Variants in PLCD4 observed in about 807,000 individuals in gnomAD.
The protein encoded by PLCD4 is phospholipase C delta 4, also known as 1-phosphatidylinositol 4,5-bisphosphate phosphodiesterase delta-4.
In PLCD4, 63 loss-of-function variants were observed where a neutral mutation model predicts 90.2. That is an observed-to-expected ratio of 0.70 (90% confidence interval 0.57 to 0.86). PLCD4 has a LOEUF of 0.86. Among genes scored for constraint, PLCD4 ranks in the 40% least tolerant of loss-of-function variants. The pLI is 0.00. For synonymous variants in PLCD4, 294 were observed against 356.5 expected (o/e 0.82, Z 1.97); for missense variants, 830 against 956.3 (o/e 0.87, Z 1.74).
intron 13 of PLCD4, among the ~76,000 whole-genome samples, chr2:218,635,410 C>A (rs1696667176): frequency 6.6e-6 from 1 of 152,162 alleles, no homozygotes; most frequent in Non-Finnish European, 1.5e-5. Flanking sequence ...ATGATCTTGG[C>A]TCACTGCAAC....
In PLCD4 at chr2:218,630,661, C is replaced by T. The variant is rs778615532; in HGVS notation, c.1131C>T (p.Tyr377=). The T allele has an allele frequency of 2.5e-6, 4 of 1,613,908 alleles. No homozygotes were observed. The highest frequency in any genetic ancestry group is 1.6e-4 in the Middle Eastern group (1 of 6,082). ...CCCCTCACCACCAGACATCAGACTA[C>T]CCAGTCATCTTGTCCCTGGAGACCC... is the stretch of plus-strand genomic sequence containing the variant. ...VAQYAFQTSD[Y]PVILSLETHC... Residue 377 remains tyrosine, a synonymous_variant, in exon 9 of 16, where the codon TAC becomes TAT. Coordinates refer to ENST00000450993, the MANE Select transcript of PLCD4 (RefSeq NM_032726.4).
At chr2:218,611,371 G>T (rs1052267434) in intron 1 of PLCD4, among the ~76,000 whole-genome samples, 1 of 152,150 alleles carries the variant, frequency 6.6e-6, no homozygotes, top group Non-Finnish European at 1.5e-5. Flanking sequence ...ACTTGGGCTC[G>T]GTTCTCAGGC....
intron 4 of PLCD4, 91 bp downstream of exon 4, chr2:218,618,898 G>A (rs1695751870): frequency 1.5e-6 from 2 of 1,299,586 alleles, no homozygotes; most frequent in Non-Finnish European, 2.1e-6. Flanking sequence ...GTGAGAAGGG[G>A]TGCAGGGCTA....
At chr2:218,622,936 T>C in intron 6 of PLCD4, 58 bp downstream of exon 6, 12 of 1,464,170 alleles carry the variant, frequency 8.2e-6, no homozygotes, top group Non-Finnish European at 1.1e-5. Context: ...GGGACATGAT[T>C]ACAAGGTCCA....
chr2:218,634,247 GA>G lies in PLCD4; in HGVS notation c.1723+27del, dbSNP rs1376360377. 3 of 1,595,660 alleles carry G rather than the reference GA, an allele frequency of 1.9e-6. No homozygotes were observed. In the African/African-American group the frequency reaches 4.0e-5, roughly 21 times the overall value. On this transcript the variant is annotated intron_variant, in intron 12 of 15. Transcript: ENST00000450993. The surrounding 1 kb of genome is among the most constrained non-coding windows in gnomAD (Gnocchi z 4.0). The stretch of plus-strand genomic sequence containing the variant: ...GTGAGGAGGCAGCAGGGACTGGGAA[GA>G]GGGAGTGGAGGAGCAGCAGGTGGGA...
intron 1 of PLCD4, among the ~76,000 whole-genome samples, chr2:218,612,315 C>T (rs1192488031): frequency 6.6e-6 from 1 of 152,210 alleles, no homozygotes; most frequent in African/African-American, 2.4e-5. Flanking sequence ...TCTCAGGAAA[C>T]ACTTTGGGTC....
intron 1 of PLCD4, among the ~76,000 whole-genome samples, chr2:218,614,314 C>T (rs1307150043): frequency 3.3e-5 from 5 of 152,004 alleles, no homozygotes; most frequent in East Asian, 1.9e-4. Context: ...CCACCGCGCC[C>T]AGCCTTTTGT....
At chr2:218,625,856 C>A (rs979409320) in intron 6 of PLCD4, among the ~76,000 whole-genome samples, 1 of 152,046 alleles carries the variant, frequency 6.6e-6, no homozygotes, top group Non-Finnish European at 1.5e-5. Flanking sequence ...ATCGATTGAA[C>A]CCGGGAGGCG....
chr2:218,635,959 G>A (rs1230101631), intron 14 of PLCD4, 28 bp downstream of exon 14: 2 of 1,613,838 alleles, frequency 1.2e-6, no homozygotes, highest in East Asian at 2.2e-5. Context: ...CTGGGGAGGT[G>A]GGGGTAGGAG....
chr2:218,632,691 GGT>G lies in PLCD4; in HGVS notation c.1449+386_1449+387del, dbSNP rs59458572. On this transcript the variant is annotated intron_variant, in intron 10 of 15. Coordinates refer to ENST00000450993, the MANE Select transcript of PLCD4 (RefSeq NM_032726.4). ...CCAGCTTGAAAACCAGTGATGAGCGGGTGTGTGTTTGTATGTGTAACATTATT... is the reference window on the plus strand; with the variant it reads ...CCAGCTTGAAAACCAGTGATGAGCGGGTGTGTTTGTATGTGTAACATTATT... Among the ~76,000 whole-genome samples the G allele has an allele frequency of 6.2e-3, 950 of 152,218 alleles. 10 individuals carry two copies. Among genetic ancestry groups the G allele is most frequent in the African/African-American group, 0.022 (915 of 41,520 alleles).
intron 1 of PLCD4, among the ~76,000 whole-genome samples, chr2:218,611,924 C>G (rs2106116000): frequency 6.7e-6 from 1 of 149,290 alleles, no homozygotes; most frequent in Non-Finnish European, 1.5e-5. Context: ...CTGTTGCTTT[C>G]TTTTCTTTTC....
rs1221962434 is a variant in PLCD4, at chr2:218,616,951, G to T, written c.181+889G>T. 1.2e-3 allele frequency among the ~76,000 whole-genome samples: 80 copies of T among 69,154 alleles called. 1 individual carries two copies. The highest frequency in any genetic ancestry group is 1.7e-3 in the African/African-American group (32 of 18,404). The allele number at this position is 69,154 out of a possible 152,430, so 45.4% of individuals were successfully genotyped here. A position where few individuals can be genotyped will look rare whatever the true frequency, so the allele number is the denominator to read the frequency against. On this transcript the variant is annotated intron_variant, in intron 3 of 15. Transcript: ENST00000450993. ...ATAGAGAGAGAGAGAGAGAGAGAGA[G>T]AGAGAGAGAGAGAGAGAGAGAGAGA...
At chr2:218,629,147 T>G (rs1414021463) in intron 7 of PLCD4, 1 of 167,518 alleles carries the variant, frequency 6.0e-6, no homozygotes, top group Non-Finnish European at 1.3e-5. Flanking sequence ...GCCTGAGAGG[T>G]CAAGGCTGCA....
At chr2:218,614,759 A>G (rs1004778053) in intron 1 of PLCD4, among the ~76,000 whole-genome samples, 6 of 151,542 alleles carry the variant, frequency 4.0e-5, no homozygotes, top group East Asian at 3.9e-4. Flanking sequence ...CCAACAGCCT[A>G]TATCTTAAAA....
In PLCD4 at chr2:218,618,853, C is replaced by G. The variant is rs747866392; in HGVS notation, c.410+46C>G. ...GGGTGGGGGTGAGGGATCACGCTAT[C>G]CCTGAAGGAGCCAGATGCAACAGGT... is the stretch of plus-strand genomic sequence containing the variant. On this transcript the variant is annotated intron_variant, in intron 4 of 15. Transcript: ENST00000450993. 81 of 1,524,820 alleles carry G rather than the reference C, an allele frequency of 5.3e-5. No individual in the cohort carries two copies. The Admixed American group carries it at 1.6e-3, about 29-fold the overall frequency. The allele number at this position is 1,524,820 out of a possible 1,614,324, so 94.5% of individuals were successfully genotyped here. A position where few individuals can be genotyped will look rare whatever the true frequency, so the allele number is the denominator to read the frequency against.
intron 3 of PLCD4, among the ~76,000 whole-genome samples, chr2:218,616,964 A>AGAGAGAGAGAGAT (rs1695638344): frequency 9.5e-6 from 1 of 105,736 alleles, no homozygotes; most frequent in African/African-American, 3.3e-5. Context: ...AGAGAGAGAG[A>AGAGAGAGAGAGAT]GAGAGAGAGA....
rs1370390154 is a variant in PLCD4 at position 218,627,147 on chromosome 2, GCTAC to G, written c.773-881_773-878del. Among the ~76,000 whole-genome samples the G allele has an allele frequency of 9.2e-5, 14 of 151,486 alleles. No individual in the cohort carries two copies. In the East Asian group the frequency reaches 2.7e-3, roughly 30 times the overall value. ...GTAGTGGGGGGCGCCTGTAGTCCCA[GCTAC>G]TCGGGAGCCTGAGGCAGGAGAATGG... On this transcript the variant is annotated intron_variant, in intron 6 of 15. Transcript: ENST00000450993.
rs1696410697 is a variant in PLCD4, at chr2:218,632,182, AG to A, written c.1321del (p.Glu441LysfsTer60). ...GTGAAGGGGAAGAAGTTAACACTTGAGGAAGACCTGGAATATGAGGAAGAGG... is the reference window on the plus strand; with the variant it reads ...GTGAAGGGGAAGAAGTTAACACTTGAGAAGACCTGGAATATGAGGAAGAGG... ...ILVKGKKLTL[E>X]EDLEYEEEEA... On this transcript the variant is annotated frameshift_variant, in exon 10 of 16. Coordinates refer to ENST00000450993, the MANE Select transcript of PLCD4 (RefSeq NM_032726.4). LOFTEE classifies it high-confidence loss of function. 6.2e-7 allele frequency: 1 copy of A among 1,610,948 alleles called. No individual in the cohort carries two copies. Among genetic ancestry groups the A allele is most frequent in the Non-Finnish European group, 8.5e-7 (1 of 1,178,786 alleles).
At chr2:218,614,525 T>G (rs1695494021) in intron 1 of PLCD4, among the ~76,000 whole-genome samples, 1 of 151,116 alleles carries the variant, frequency 6.6e-6, no homozygotes, top group South Asian at 2.1e-4. Context: ...CTTGGCTCAC[T>G]GCCAACCTCT....
Sources: allele counts gnomAD v4.1 joint callset (sites outside exome capture counted in the v4.1 genomes callset), GRCh38; gene constraint gnomAD v4.1.1; non-coding constraint Gnocchi (gnomAD v3.1); transcripts MANE v1.5; gene names NCBI Gene and HGNC (gene_info 2026-07-23, HGNC 2026-07-21).